The following CORIN variants were observed in gnomAD, a reference collection of about 807,000 sequenced individuals.
The protein encoded by CORIN is corin, serine peptidase.
In CORIN, 117 loss-of-function variants were observed where a neutral mutation model predicts 125.3. The observed-to-expected ratio is 0.93, with a 90% confidence interval of 0.80 to 1.09. CORIN has a LOEUF of 1.09. CORIN is among the 50% of genes least tolerant of loss of function. The pLI, the probability that CORIN is intolerant of heterozygous loss-of-function variation, is 0.00. For synonymous variants in CORIN, 450 were observed against 466.4 expected (o/e 0.96, Z 0.45); for missense variants, 1,253 against 1,306.7 (o/e 0.96, Z 0.63).
At chr4:47,811,914 A>C (rs888241142) in intron 1 of CORIN, among the ~76,000 whole-genome samples, 3 of 152,198 alleles carry the variant, frequency 2.0e-5, no homozygotes, top group Non-Finnish European at 2.9e-5. Flanking sequence ...AATCTTTACT[A>C]TCTGATACTT....
intron 1 of CORIN, among the ~76,000 whole-genome samples, chr4:47,825,912 C>T (rs1240819662): frequency 6.6e-6 from 1 of 152,006 alleles, no homozygotes; most frequent in South Asian, 2.1e-4. Flanking sequence ...CCGTGTTGTC[C>T]GGACTGGTCT....
chr4:47,632,729 A>AGATAGATAGATAGAT (rs1553905882), intron 16 of CORIN, among the ~76,000 whole-genome samples: 7 of 108,104 alleles, frequency 6.5e-5, no homozygotes, highest in African/African-American at 1.8e-4. Context: ...AATAGATGAT[A>AGATAGATAGATAGAT]GATAGATAGA....
intron 3 of CORIN, among the ~76,000 whole-genome samples, chr4:47,776,670 G>T (rs767291665): frequency 2.0e-5 from 3 of 152,084 alleles, no homozygotes; most frequent in Non-Finnish European, 2.9e-5. Context: ...GAATTTGGAG[G>T]CCATTCCAAT....
chr4:47,661,962 G>A, intron 11 of CORIN, 106 bp from the exon 12 acceptor site: 2 of 1,093,370 alleles, frequency 1.8e-6, no homozygotes, highest in Non-Finnish European at 2.5e-6. Context: ...GGCATGTATT[G>A]TGGGTGTGTG....
intron 3 of CORIN, among the ~76,000 whole-genome samples, chr4:47,771,385 C>T (rs1730021218): frequency 6.6e-6 from 1 of 152,106 alleles, no homozygotes; most frequent in African/African-American, 2.4e-5. Context: ...TTACAGTAAG[C>T]TAAGAGAAAA....
intron 4 of CORIN, among the ~76,000 whole-genome samples, chr4:47,756,281 G>A (rs1304446689): frequency 1.3e-5 from 2 of 152,188 alleles, no homozygotes; most frequent in Non-Finnish European, 2.9e-5. Flanking sequence ...ACTGGAGCCA[G>A]GTCAACAACA....
intron 5 of CORIN, among the ~76,000 whole-genome samples, chr4:47,713,923 T>C (rs1726972587): frequency 6.6e-6 from 1 of 152,150 alleles, no homozygotes; most frequent in Admixed American, 6.5e-5. Context: ...ACTTATATTC[T>C]GAGTAATTTG....
intron 19 of CORIN, among the ~76,000 whole-genome samples, chr4:47,607,192 A>G (rs200239561): frequency 0.27 from 40,824 of 151,708 alleles, 5,561 homozygotes; most frequent in Admixed American, 0.35. Flanking sequence ...GCAGATCACG[A>G]GGTCAGGAGA....
intron 19 of CORIN, among the ~76,000 whole-genome samples, chr4:47,605,325 C>T (rs1721607949): frequency 1.3e-5 from 2 of 152,286 alleles, no homozygotes; most frequent in South Asian, 4.1e-4. Flanking sequence ...GCTTTATTCA[C>T]AGGGCTTGGT....
intron 4 of CORIN, 43 bp from the exon 5 acceptor site, chr4:47,744,626 A>G (rs1233794777): frequency 6.6e-7 from 1 of 1,515,484 alleles, no homozygotes; most frequent in African/African-American, 1.4e-5. Flanking sequence ...GTGTCTTTAC[A>G]GAATAGGTTT....
At chr4:47,660,550 G>A (rs190580181) in intron 12 of CORIN, among the ~76,000 whole-genome samples, 17 of 152,184 alleles carry the variant, frequency 1.1e-4, no homozygotes, top group East Asian at 1.9e-4. Context: ...GAAGACATAC[G>A]AATGACAAAC....
At chr4:47,761,159 A>C (rs1029054585) in intron 4 of CORIN, among the ~76,000 whole-genome samples, 3 of 152,250 alleles carry the variant, frequency 2.0e-5, no homozygotes, top group Admixed American at 6.5e-5. Context: ...GTTGCCTATA[A>C]GAACTTTTGC....
chr4:47,707,500 A>G lies in CORIN; in HGVS notation c.800-14417T>C, dbSNP rs184353729. The stretch of plus-strand genomic sequence containing the variant: ...AACTTAAGCCAAAAGTCCTCAATTA[A>G]AAGCCAATTCCTAAGGACTCCTCTA... On this transcript the variant is annotated intron_variant, in intron 5 of 21. Coordinates refer to ENST00000273857, the MANE Select transcript of CORIN (RefSeq NM_006587.4). Among the ~76,000 whole-genome samples, 6 of 152,324 alleles carry G rather than the reference A, an allele frequency of 3.9e-5. No homozygotes were observed. The East Asian group carries it at 1.2e-3, about 29-fold the overall frequency.
At chr4:47,772,649 A>G (rs762628109) in intron 3 of CORIN, among the ~76,000 whole-genome samples, 4 of 152,076 alleles carry the variant, frequency 2.6e-5, no homozygotes, top group Non-Finnish European at 5.9e-5. Flanking sequence ...AAGTTATTGA[A>G]CTCCTCTGTT....
chr4:47,815,170 C>T (rs536795799), intron 1 of CORIN, among the ~76,000 whole-genome samples: 23 of 152,242 alleles, frequency 1.5e-4, no homozygotes, highest in African/African-American at 5.1e-4. Context: ...CCATTCTTAA[C>T]CGTATCTCCG....
intron 12 of CORIN, among the ~76,000 whole-genome samples, chr4:47,654,997 C>T (rs1320568674): frequency 1.3e-5 from 2 of 151,950 alleles, no homozygotes; most frequent in South Asian, 2.1e-4. Flanking sequence ...TAGAATAGGG[C>T]ACCAGACAGA....
chr4:47,696,686 A>G (rs1292624851), intron 5 of CORIN, among the ~76,000 whole-genome samples: 1 of 152,198 alleles, frequency 6.6e-6, no homozygotes, highest in Admixed American at 6.5e-5. Context: ...GGACTTCAGA[A>G]TGACATGGAT....
intron 5 of CORIN, among the ~76,000 whole-genome samples, chr4:47,727,920 G>A (rs545330763): frequency 6.6e-6 from 1 of 152,094 alleles, no homozygotes; most frequent in Non-Finnish European, 1.5e-5. Flanking sequence ...AAAATCCTTT[G>A]AGGGTACACA....
rs563696592 is a variant in CORIN, at chr4:47,687,043, G to A, written c.914-3205C>T. Among the ~76,000 whole-genome samples, 10 of 152,304 alleles carry A rather than the reference G, an allele frequency of 6.6e-5. No individual in the cohort carries two copies. In the South Asian group the frequency reaches 2.1e-3, roughly 32 times the overall value. ...TTTATTAAATTACTTTATAAATGGA[G>A]AGGATTCAGGCATTTTTTAAAAATC... On this transcript the variant is annotated intron_variant, in intron 6 of 21. Transcript: ENST00000273857.
Sources: allele counts gnomAD v4.1 joint callset (sites outside exome capture counted in the v4.1 genomes callset), GRCh38; gene constraint gnomAD v4.1.1; transcripts MANE v1.5; gene names NCBI Gene and HGNC (gene_info 2026-07-23, HGNC 2026-07-21).